Variants in C12orf54 observed in about 807,000 individuals in gnomAD.
C12orf54 encodes the protein uncharacterized protein C12orf54.
C12orf54 carries 24 observed loss-of-function variants against 26.4 expected under a neutral mutation model. That is an observed-to-expected ratio of 0.91 (90% confidence interval 0.66 to 1.28). The LOEUF (loss-of-function observed/expected upper bound fraction) is 1.28, where lower values mean the gene tolerates loss of function less well. C12orf54 is among the 50% of genes most tolerant of loss of function. The pLI is 0.00. For missense variants in C12orf54, 154 were observed against 150.9 expected, an observed-to-expected ratio of 1.02 and a Z score of -0.11; for synonymous variants, 54 against 47.0, an observed-to-expected ratio of 1.15 and a Z score of -0.61.
At chr12:48,490,302 A>C (rs1937760020) in intron 5 of C12orf54, among the ~76,000 whole-genome samples, 1 of 152,186 alleles carries the variant, frequency 6.6e-6, no homozygotes. Context: ...GCATTATCTT[A>C]AGTGGTTTGG....
chr12:48,442,858 C>T, the C12orf54 span: 1 of 156,280 alleles, frequency 6.4e-6, no homozygotes, highest in Non-Finnish European at 1.4e-5. Context: ...GGCAAATCAC[C>T]ACGAACAGCA....
the C12orf54 span, among the ~76,000 whole-genome samples, chr12:48,426,344 C>T: frequency 1.3e-5 from 2 of 152,020 alleles, no homozygotes; most frequent in African/African-American, 4.8e-5. Context: ...AATTGGGGAC[C>T]CTTTCTCCAT....
intron 6 of C12orf54, 47 bp downstream of exon 6, chr12:48,490,883 G>A: frequency 3.1e-6 from 5 of 1,597,156 alleles, no homozygotes; most frequent in African/African-American, 1.3e-5. Flanking sequence ...CAAGGGAGGG[G>A]ATTTGGAATT....
the C12orf54 span, among the ~76,000 whole-genome samples, chr12:48,447,953 A>G: frequency 3.9e-5 from 6 of 152,256 alleles, no homozygotes; most frequent in African/African-American, 1.4e-4. Flanking sequence ...AATGAGGGAC[A>G]CACAGAATGC....
chr12:48,473,252 G>A, the C12orf54 span: 222 of 1,098,102 alleles, frequency 2.0e-4, 1 homozygote, highest in Admixed American at 3.5e-3. Flanking sequence ...ATGAGGAGGA[G>A]GAACGTGAAG....
At chr12:48,430,480 A>T in the C12orf54 span, among the ~76,000 whole-genome samples, 2,193 of 152,310 alleles carry the variant, frequency 0.014, 56 homozygotes, top group African/African-American at 0.049. Flanking sequence ...CCCATCAGAA[A>T]GTGGGCTAAG....
At chr12:48,473,668 T>C in the C12orf54 span, 1 of 256,458 alleles carries the variant, frequency 3.9e-6, no homozygotes, top group Non-Finnish European at 7.6e-6. Context: ...TTTGTCCCTG[T>C]AAATGCAATA....
upstream of C12orf54, among the ~76,000 whole-genome samples, chr12:48,477,856 C>A (rs1485497881): frequency 6.6e-6 from 1 of 152,096 alleles, no homozygotes; most frequent in Admixed American, 6.6e-5. Flanking sequence ...GAAACTATTC[C>A]AATCAATAGA....
intron 7 of C12orf54, among the ~76,000 whole-genome samples, chr12:48,494,034 C>A (rs1217014232): frequency 1.5e-5 from 2 of 137,752 alleles, no homozygotes; most frequent in African/African-American, 5.5e-5. Context: ...GCCTGACCAA[C>A]ACAGTGAAAC....
chr12:48,457,418 C>G, the C12orf54 span, among the ~76,000 whole-genome samples: 1 of 152,040 alleles, frequency 6.6e-6, no homozygotes, highest in Non-Finnish European at 1.5e-5. Context: ...ACTGCAACCT[C>G]TGCCTTATGG....
chr12:48,444,348 C>A, the C12orf54 span, among the ~76,000 whole-genome samples: 1 of 152,174 alleles, frequency 6.6e-6, no homozygotes, highest in African/African-American at 2.4e-5. Context: ...GACACAGAAC[C>A]GCATCACTCA....
At chr12:48,476,731 C>G in the C12orf54 span, among the ~76,000 whole-genome samples, 4 of 151,954 alleles carry the variant, frequency 2.6e-5, no homozygotes, top group Non-Finnish European at 5.9e-5. Context: ...TACAGGAGCA[C>G]CCAGATTCAT....
intron 4 of C12orf54, among the ~76,000 whole-genome samples, chr12:48,487,209 A>G (rs2137089324): frequency 2.0e-5 from 3 of 152,348 alleles, no homozygotes; most frequent in Admixed American, 2.0e-4. Context: ...AGAGGTCTTC[A>G]CATAAATACC....
At chr12:48,435,438 C>A in the C12orf54 span, among the ~76,000 whole-genome samples, 1 of 152,094 alleles carries the variant, frequency 6.6e-6, no homozygotes, top group African/African-American at 2.4e-5. Context: ...TTAAGAAGAG[C>A]AACTCCAAGA....
At chr12:48,414,963 T>C in the C12orf54 span, among the ~76,000 whole-genome samples, 28 of 152,024 alleles carry the variant, frequency 1.8e-4, no homozygotes, top group Admixed American at 1.2e-3. Flanking sequence ...ATCATAGGAG[T>C]CTAAGGAGCA....
chr12:48,452,271 T>C, the C12orf54 span, among the ~76,000 whole-genome samples: 1 of 152,164 alleles, frequency 6.6e-6, no homozygotes, highest in Non-Finnish European at 1.5e-5. Flanking sequence ...CTGGGAGAAC[T>C]GCCTAGCCAT....
At chr12:48,463,462 C>A in the C12orf54 span, among the ~76,000 whole-genome samples, 1 of 151,814 alleles carries the variant, frequency 6.6e-6, no homozygotes, top group Non-Finnish European at 1.5e-5. Flanking sequence ...AGCCCAGGAC[C>A]AGGTAGAATC....
At chr12:48,486,350 G>T in intron 3 of C12orf54, 142 bp downstream of exon 3, 1 of 807,250 alleles carries the variant, frequency 1.2e-6, no homozygotes, top group Non-Finnish European at 2.0e-6. Context: ...CTGGTGGAGT[G>T]GGTCATTGTC....
At chr12:48,432,297 A>G in the C12orf54 span, among the ~76,000 whole-genome samples, 1 of 152,320 alleles carries the variant, frequency 6.6e-6, no homozygotes, top group South Asian at 2.1e-4. Flanking sequence ...CAAAAGAGAA[A>G]CAACCGTAGT....
Sources: allele counts gnomAD v4.1 joint callset (sites outside exome capture counted in the v4.1 genomes callset), GRCh38; gene constraint gnomAD v4.1.1; transcripts MANE v1.5; gene names NCBI Gene and HGNC (gene_info 2026-07-23, HGNC 2026-07-21).